Variants in RPF2 observed in about 807,000 individuals in gnomAD.
The protein encoded by RPF2 is brix domain containing 1.
Under a neutral mutation model 38.9 loss-of-function variants are expected in RPF2, and 21 were observed. The ratio of observed to expected loss-of-function variants is 0.54; its 90% CI spans 0.38 to 0.78. The LOEUF (loss-of-function observed/expected upper bound fraction) is 0.78. RPF2 is among the 30% of genes least tolerant of loss of function. RPF2 has a pLI of 0.00. For synonymous variants in RPF2, 121 were observed against 126.2 expected (o/e 0.96, Z 0.28); for missense variants, 314 against 358.1 (o/e 0.88, Z 0.99).
intron 7 of RPF2, among the ~76,000 whole-genome samples, chr6:111,008,898 C>CTTTTTTT (rs57167034): frequency 8.3e-6 from 1 of 120,414 alleles, no homozygotes; most frequent in African/African-American, 3.3e-5. Flanking sequence ...TTCCTGGCTC[C>CTTTTTTT]TTTTTTTTTT....
rs1381798265 is a variant in RPF2, at chr6:111,025,685, A to G, written c.*103A>G. 3 of 797,326 alleles carry G rather than the reference A, an allele frequency of 3.8e-6. No homozygotes were observed. Among genetic ancestry groups the G allele is most frequent in the African/African-American group, 1.7e-5 (1 of 57,554 alleles). 49.4% of individuals were successfully genotyped at this position (797,326 alleles called of 1,614,324 possible). On this transcript the variant is annotated 3_prime_UTR_variant, in exon 10 of 10. Transcript: ENST00000441448. The stretch of plus-strand genomic sequence containing the variant: ...TTATAAGATCTTATTATATATTTTT[A>G]TAACATGATAATTTTACGATATATT...
intron 7 of RPF2, among the ~76,000 whole-genome samples, chr6:111,012,756 G>C (rs190989846): frequency 1.6e-4 from 25 of 152,072 alleles, no homozygotes; most frequent in Non-Finnish European, 2.5e-4. Flanking sequence ...TGCAACCTCC[G>C]CATCAGCTGT....
chr6:110,989,404 G>A (rs912795684), intron 3 of RPF2, among the ~76,000 whole-genome samples: 49 of 152,198 alleles, frequency 3.2e-4, no homozygotes, highest in Middle Eastern at 3.4e-3. Flanking sequence ...AATTAACACC[G>A]ATTCACTCAT....
At chr6:111,017,373 G>C (rs1413245622) in intron 8 of RPF2, among the ~76,000 whole-genome samples, 1 of 146,024 alleles carries the variant, frequency 6.8e-6, no homozygotes, top group African/African-American at 2.5e-5. Flanking sequence ...CCTCCCTCCT[G>C]GACGGGGCGG....
chr6:111,008,917 A>T (rs868274110), intron 7 of RPF2, among the ~76,000 whole-genome samples: 6 of 85,700 alleles, frequency 7.0e-5, no homozygotes, highest in African/African-American at 1.2e-4. Flanking sequence ...TTTTTTTTTT[A>T]AAGATAGAGT....
At chr6:111,024,422 G>A in intron 9 of RPF2, 95 bp downstream of exon 9, 1 of 1,295,980 alleles carries the variant, frequency 7.7e-7, no homozygotes, top group Non-Finnish European at 1.0e-6. Context: ...TATATTAAAA[G>A]ACAAGGACAG....
Position 111,026,694 on chromosome 6 carries a change from G to T in RPF2, c.*1112G>T, listed in dbSNP as rs1361135232. ...TGAAAGTTTCTTGAAGACAGGCCTT[G>T]TGCCTAGGAAAACAGAAGCTTTCTT... On this transcript the variant is annotated 3_prime_UTR_variant, in exon 10 of 10. Transcript: ENST00000441448. 1 of 152,206 alleles carries T rather than the reference G, an allele frequency of 6.6e-6. No individual in the cohort carries two copies. Among genetic ancestry groups the T allele is most frequent in the African/African-American group, 2.4e-5 (1 of 41,436 alleles). 9.4% of individuals were successfully genotyped at this position (152,206 alleles called of 1,614,324 possible). A position where few individuals can be genotyped will look rare whatever the true frequency, so the allele number is the denominator to read the frequency against.
At chr6:110,991,354 G>C (rs1771616530) in intron 3 of RPF2, among the ~76,000 whole-genome samples, 1 of 147,844 alleles carries the variant, frequency 6.8e-6, no homozygotes, top group South Asian at 2.1e-4. Flanking sequence ...GCAGTGGCAC[G>C]ATCATATTTC....
At chr6:110,998,287 GT>G (rs1771754490) in intron 5 of RPF2, among the ~76,000 whole-genome samples, 1 of 152,160 alleles carries the variant, frequency 6.6e-6, no homozygotes, top group Non-Finnish European at 1.5e-5. Context: ...TGCACGGTGT[GT>G]TTATTGGAGT....
rs1771503887 is a variant in RPF2 at position 110,985,167 on chromosome 6, G to A, written c.156+29G>A. The A allele has an allele frequency of 2.6e-6, 4 of 1,561,250 alleles. No individual in the cohort carries two copies. In the African/African-American group the frequency reaches 4.1e-5, roughly 16 times the overall value. ...AGTATATATACTTAATCTTTAAAAG[G>A]TATTGAAGTCATTTTAGAATTTTCA... On this transcript the variant is annotated intron_variant, in intron 2 of 9. Transcript: ENST00000441448.
chr6:110,985,472 AC>A (rs143604787), intron 2 of RPF2, among the ~76,000 whole-genome samples: 3,774 of 152,290 alleles, frequency 0.025, 131 homozygotes, highest in African/African-American at 0.088. Flanking sequence ...AAGAGAAGTA[AC>A]TGCATATTGC....
At chr6:111,017,045 T>A (rs535678603) in intron 8 of RPF2, among the ~76,000 whole-genome samples, 11 of 152,338 alleles carry the variant, frequency 7.2e-5, no homozygotes, top group African/African-American at 2.4e-4. Flanking sequence ...GAATTTTTCT[T>A]AGTATAGAAC....
chr6:110,998,905 A>G (rs1406930223), intron 5 of RPF2, among the ~76,000 whole-genome samples: 1 of 149,922 alleles, frequency 6.7e-6, no homozygotes, highest in African/African-American at 2.5e-5. Flanking sequence ...AGATCATGCT[A>G]TTGCACTCCA....
rs897158911 is a variant in RPF2 at position 111,028,139 on chromosome 6, CTTT to C, written c.*2564_*2566del. ...CTATTATTTCATGGAATTTGGGTTT[CTTT>C]TTTTTTGTTTTTTTAAAATTAAGTG... On this transcript the variant is annotated 3_prime_UTR_variant, in exon 10 of 10. Transcript: ENST00000441448. 2.7e-5 allele frequency: 4 copies of C among 149,384 alleles called. No individual in the cohort carries two copies. The highest frequency in any genetic ancestry group is 6.0e-5 in the Non-Finnish European group (4 of 67,178). The allele number at this position is 149,384 out of a possible 1,614,324, so 9.3% of individuals were successfully genotyped here.
At chr6:110,993,969 T>C (rs552087202) in intron 4 of RPF2, among the ~76,000 whole-genome samples, 37 of 152,286 alleles carry the variant, frequency 2.4e-4, no homozygotes, top group Middle Eastern at 3.4e-3. Context: ...CTAAGAATGG[T>C]TTTTACATTT....
intron 8 of RPF2, among the ~76,000 whole-genome samples, chr6:111,018,609 C>T (rs1772173299): frequency 6.6e-6 from 1 of 151,964 alleles, no homozygotes; most frequent in Non-Finnish European, 1.5e-5. Context: ...TGATAATTTC[C>T]ATCTTGGGCT....
chr6:111,005,451 C>G (rs561084736), intron 6 of RPF2, among the ~76,000 whole-genome samples: 49 of 152,228 alleles, frequency 3.2e-4, no homozygotes, highest in African/African-American at 1.2e-3. Flanking sequence ...TCTAAATCCT[C>G]TTTTTAATCA....
intron 8 of RPF2, among the ~76,000 whole-genome samples, chr6:111,017,581 CG>C (rs1456441776): frequency 4.7e-5 from 7 of 150,240 alleles, no homozygotes; most frequent in Admixed American, 4.6e-4. Flanking sequence ...GATGGGGTCG[CG>C]GCCGGGCAGA....
intron 8 of RPF2, among the ~76,000 whole-genome samples, chr6:111,016,244 C>G (rs192712772): frequency 6.6e-5 from 10 of 152,168 alleles, no homozygotes. Context: ...TGGCTAGATT[C>G]ATTTCACTCT....
Sources: allele counts gnomAD v4.1 joint callset (sites outside exome capture counted in the v4.1 genomes callset), GRCh38; gene constraint gnomAD v4.1.1; transcripts MANE v1.5; gene names NCBI Gene and HGNC (gene_info 2026-07-23, HGNC 2026-07-21).